Variants in ASH1L observed in about 807,000 individuals in gnomAD.
ASH1L encodes histone-lysine N-methyltransferase ASH1L.
A neutral mutation model predicts 269.0 loss-of-function variants in ASH1L; 23 were observed. That is an observed-to-expected ratio of 0.09 (90% CI 0.06 to 0.12). The LOEUF is 0.12. Among genes scored for constraint, ASH1L ranks in the 10% least tolerant of loss-of-function variants. ASH1L has a pLI of 1.00. For synonymous variants in ASH1L, 1,187 were observed against 1,253.5 expected (o/e 0.95, Z 1.12); for missense variants, 2,912 against 3,567.8 (o/e 0.82, Z 4.68).
chr1:155,423,204 C>T (rs1660855937), intron 5 of ASH1L, among the ~76,000 whole-genome samples: 1 of 151,572 alleles, frequency 6.6e-6, no homozygotes. Flanking sequence ...CCACCTCGGC[C>T]TCCCAAAGTG....
rs1660749273 is a variant in ASH1L, at chr1:155,422,248, T to C, written c.5829-6325A>G. Among the ~76,000 whole-genome samples, 4 of 151,182 alleles carry C rather than the reference T, an allele frequency of 2.6e-5. No homozygotes were observed. In the East Asian group the frequency reaches 7.8e-4, roughly 29 times the overall value. Reference sequence around the variant, plus strand: ...ACCTCCTGGGTTCAAGCGATTCTCCTGCCTCAGCCTCCCGAGTAGCTGGGA... The same window carrying C: ...ACCTCCTGGGTTCAAGCGATTCTCCCGCCTCAGCCTCCCGAGTAGCTGGGA... On this transcript the variant is annotated intron_variant, in intron 5 of 27. Coordinates refer to ENST00000392403, the MANE Select transcript of ASH1L (RefSeq NM_018489.3).
rs746450493 is a variant in ASH1L at position 155,478,966 on chromosome 1, G to A, written c.3904C>T (p.Arg1302Trp). 5.6e-6 allele frequency: 9 copies of A among 1,613,518 alleles called. No individual in the cohort carries two copies. Among genetic ancestry groups the A allele is most frequent in the South Asian group, 1.1e-5 (1 of 91,058 alleles). The change falls in exon 3 of 28, where the codon CGG becomes TGG. Residue 1302 changes from arginine to tryptophan, a missense_variant. Transcript: ENST00000392403. The surrounding 1 kb of genome is among the most constrained non-coding windows in gnomAD (Gnocchi z 4.6). ...AAATGATGACTTCGATGAGTGATCC[G>A]AATTTCACTTAGGCGACTTATTAGT... Reference protein sequence around the residue: ...EELISRLSEIRITHRSHHFIP... With the variant: ...EELISRLSEIWITHRSHHFIP...
chr1:155,367,351 T>C (rs1000939437), intron 12 of ASH1L, among the ~76,000 whole-genome samples: 1 of 152,216 alleles, frequency 6.6e-6, no homozygotes, highest in African/African-American at 2.4e-5. Context: ...TAAAATGTAC[T>C]CAATACATTA....
At chr1:155,485,242 C>T (rs1003013789) in intron 2 of ASH1L, among the ~76,000 whole-genome samples, 7 of 125,656 alleles carry the variant, frequency 5.6e-5, no homozygotes, top group African/African-American at 9.4e-5. Context: ...GGCGAAAGAG[C>T]GAGATTCCGT....
chr1:155,459,309 C>T (rs6658401), intron 4 of ASH1L, among the ~76,000 whole-genome samples: 7,148 of 152,100 alleles, frequency 0.047, 580 homozygotes, highest in African/African-American at 0.17. Context: ...GATTCTCCTG[C>T]CTCAGCCTCC....
intron 5 of ASH1L, among the ~76,000 whole-genome samples, chr1:155,428,251 C>A (rs1274644371): frequency 6.6e-6 from 1 of 151,952 alleles, no homozygotes; most frequent in African/African-American, 2.4e-5. Context: ...CCAGCCTGAC[C>A]AACATGGTGA....
intron 7 of ASH1L, among the ~76,000 whole-genome samples, chr1:155,390,959 T>C (rs550823652): frequency 2.6e-4 from 39 of 151,452 alleles, no homozygotes; most frequent in African/African-American, 9.2e-4. Flanking sequence ...GTGTTTTTTT[T>C]TTTTGAGACG....
chr1:155,455,277 T>C (rs745686891), intron 4 of ASH1L, among the ~76,000 whole-genome samples: 6 of 152,156 alleles, frequency 3.9e-5, no homozygotes, highest in Non-Finnish European at 7.4e-5. Flanking sequence ...TAATAAGATA[T>C]TAAAAACCTC....
chr1:155,500,684 C>A (rs926011258), intron 2 of ASH1L, among the ~76,000 whole-genome samples: 11 of 152,122 alleles, frequency 7.2e-5, no homozygotes, highest in African/African-American at 2.4e-4. Flanking sequence ...GCTGAGGAGC[C>A]TAGACTGGGC....
At chr1:155,555,869 T>G (rs144766353) in intron 1 of ASH1L, among the ~76,000 whole-genome samples, 179 of 152,206 alleles carry the variant, frequency 1.2e-3, no homozygotes, top group South Asian at 2.9e-3. Context: ...CACTTAACAG[T>G]GAAAAGAATT....
intron 3 of ASH1L, among the ~76,000 whole-genome samples, chr1:155,465,300 A>C (rs928230109): frequency 5.3e-5 from 8 of 151,470 alleles, no homozygotes; most frequent in Non-Finnish European, 1.0e-4. Context: ...AAAAAAAAAA[A>C]AAAAAAAAAA....
intron 1 of ASH1L, among the ~76,000 whole-genome samples, chr1:155,548,717 CA>C (rs1332673314): frequency 6.6e-6 from 1 of 151,766 alleles, no homozygotes; most frequent in East Asian, 1.9e-4. Flanking sequence ...TCCAGCAACT[CA>C]GTCTAAGAAC....
At chr1:155,378,230 G>A in intron 10 of ASH1L, 51 bp downstream of exon 10, 4 of 1,403,324 alleles carry the variant, frequency 2.9e-6, no homozygotes, top group South Asian at 2.3e-5. Flanking sequence ...AGGAAGTGTT[G>A]TATGTATACC....
At chr1:155,470,987 C>T (rs1665050778) in intron 3 of ASH1L, among the ~76,000 whole-genome samples, 1 of 152,172 alleles carries the variant, frequency 6.6e-6, no homozygotes, top group Non-Finnish European at 1.5e-5. Context: ...CAAAAGATAT[C>T]TGAGCCTGAA....
In ASH1L at chr1:155,562,590, G is replaced by C. The variant is rs1672100209; in HGVS notation, c.-537C>G. ...CTCCGCCCGACTCCGTCCGCGTAGC[G>C]CGCACGCCCGCCCGCACGCGTACGA... On this transcript the variant is annotated 5_prime_UTR_variant, in exon 1 of 28. Transcript: ENST00000392403. 1 of 1,528,880 alleles carries C rather than the reference G, an allele frequency of 6.5e-7. No individual in the cohort carries two copies. Among genetic ancestry groups the C allele is most frequent in the African/African-American group, 1.4e-5 (1 of 72,888 alleles). The allele number at this position is 1,528,880 out of a possible 1,614,324, so 94.7% of individuals were successfully genotyped here.
intron 6 of ASH1L, among the ~76,000 whole-genome samples, chr1:155,410,367 G>A (rs1297596165): frequency 3.3e-5 from 5 of 151,994 alleles, no homozygotes; most frequent in Non-Finnish European, 5.9e-5. Context: ...GCAATGGTGC[G>A]ATCTCGGCTC....
At chr1:155,493,905 A>G (rs1666979732) in intron 2 of ASH1L, among the ~76,000 whole-genome samples, 1 of 152,164 alleles carries the variant, frequency 6.6e-6, no homozygotes, top group Non-Finnish European at 1.5e-5. Context: ...TTTTTCAGCA[A>G]GTATTTACTA....
In ASH1L at chr1:155,411,574, AATAAATAAATAAATATATATATATATAT is replaced by A. The variant is rs1659767906; in HGVS notation, c.6008+4142_6008+4169del. Among the ~76,000 whole-genome samples the A allele has an allele frequency of 2.1e-4, 7 of 32,706 alleles. No individual in the cohort carries two copies. The South Asian group carries it at 7.9e-3, about 37-fold the overall frequency. 21.5% of individuals were successfully genotyped at this position (32,706 alleles called of 152,430 possible). On this transcript the variant is annotated intron_variant, in intron 6 of 27. Transcript: ENST00000392403. ...ATATATAAATATAAATATGAATATA[AATAAATAAATAAATATATATATATATAT>A]ATATATATATATATATGTTTTCATC...
At chr1:155,354,677 G>A (rs1403385647) in intron 15 of ASH1L, 47 bp from the exon 16 acceptor site, 1 of 1,569,514 alleles carries the variant, frequency 6.4e-7, no homozygotes, top group Non-Finnish European at 8.7e-7. Flanking sequence ...AATTAAATAA[G>A]CATGTATTAC....
Sources: gnomAD v4.1 joint callset for allele counts (sites outside exome capture counted in the v4.1 genomes callset) on GRCh38, gnomAD v4.1.1 for gene constraint, Gnocchi (gnomAD v3.1) non-coding constraint, MANE v1.5 for transcripts, NCBI Gene and HGNC (gene_info 2026-07-23, HGNC 2026-07-21) for gene names.